The following PTCHD1 variants were observed in gnomAD, a reference collection of about 807,000 sequenced individuals.
PTCHD1 encodes the protein patched domain-containing protein 1.
A neutral mutation model predicts 34.6 loss-of-function variants in PTCHD1; 3 were observed. The ratio of observed to expected loss-of-function variants is 0.09; its 90% CI spans 0.04 to 0.22. The LOEUF (loss-of-function observed/expected upper bound fraction) is 0.22. PTCHD1 is among the 10% of genes least tolerant of loss of function. PTCHD1 has a pLI of 1.00. For synonymous variants in PTCHD1, 305 were observed against 283.1 expected (o/e 1.08, Z -0.77); for missense variants, 504 against 685.5 (o/e 0.74, Z 2.96).
chrX:23,376,280 G>A (rs971896868), intron 1 of PTCHD1, among the ~76,000 whole-genome samples: 10 of 112,323 alleles, frequency 8.9e-5, no homozygotes, highest in African/African-American at 3.2e-4. Flanking sequence ...TTAAGGGTCA[G>A]GACAATTAGT....
rs914354132 is a variant in PTCHD1 at position 23,401,811 on chromosome X, G to A, written c.*7626G>A. 8 of 112,625 alleles carry A rather than the reference G, an allele frequency of 7.1e-5. No individual in the cohort carries two copies. Among genetic ancestry groups the A allele is most frequent in the African/African-American group, 2.6e-4 (8 of 30,978 alleles). The allele number at this position is 112,625 out of a possible 1,213,427, so 9.3% of individuals were successfully genotyped here. A position where few individuals can be genotyped will look rare whatever the true frequency, so the allele number is the denominator to read the frequency against. The stretch of plus-strand genomic sequence containing the variant: ...CCCCTTCTATATGTTTCTTATGCAC[G>A]AGCACAGCTAAGAGCAGCCAAATAG... On this transcript the variant is annotated 3_prime_UTR_variant, in exon 3 of 3. Coordinates refer to ENST00000379361, the MANE Select transcript of PTCHD1 (RefSeq NM_173495.3).
chrX:23,358,933 G>A (rs760147069), intron 1 of PTCHD1, among the ~76,000 whole-genome samples: 8 of 112,001 alleles, frequency 7.1e-5, no homozygotes, highest in African/African-American at 9.7e-5. Flanking sequence ...GTTCTTGTCC[G>A]GCTTGTCAAA....
chrX:23,352,747 A>C (rs763318706), intron 1 of PTCHD1, among the ~76,000 whole-genome samples: 1 of 112,039 alleles, frequency 8.9e-6, no homozygotes, highest in South Asian at 3.8e-4. Context: ...TTCTCATTTC[A>C]ATGGTCTAAA....
rs758691603 is a variant in PTCHD1, at chrX:23,335,383, G to T, written c.351+157G>T. On this transcript the variant is annotated intron_variant, in intron 1 of 2. Coordinates refer to ENST00000379361, the MANE Select transcript of PTCHD1 (RefSeq NM_173495.3). ...GCGCGCCCCAGGGCGGCCGACTGGA[G>T]CCTCCCAGCCTCCTGGACAAGGAGC... Among the ~76,000 whole-genome samples the T allele has an allele frequency of 3.5e-5, 4 of 113,268 alleles. No individual in the cohort carries two copies. The East Asian group carries it at 1.1e-3, about 32-fold the overall frequency.
At chrX:23,384,614 G>C (rs967199038) in intron 2 of PTCHD1, among the ~76,000 whole-genome samples, 9 of 111,365 alleles carry the variant, frequency 8.1e-5, no homozygotes, top group African/African-American at 2.9e-4. Flanking sequence ...CTCATAAAAA[G>C]GGAAGGAAAA....
Position 23,335,017 on chromosome X carries a change from G to A in PTCHD1, c.142G>A (p.Val48Ile). 30 of 1,211,374 alleles carry A rather than the reference G, an allele frequency of 2.5e-5. No individual in the cohort carries two copies. The highest frequency in any genetic ancestry group is 3.0e-5 in the Non-Finnish European group (27 of 895,292). ...CGGCGCCAGCTTCAGCCGCTACCAGGTCGAGGAGAGCGTGGAGCACCTGCT... is the reference window on the plus strand; with the variant it reads ...CGGCGCCAGCTTCAGCCGCTACCAGATCGAGGAGAGCGTGGAGCACCTGCT... ...LLGASFSRYQ[V>I]EESVEHLLAP... The change falls in exon 1 of 3, where the codon GTC becomes ATC. Residue 48 changes from valine to isoleucine, a missense_variant. Transcript: ENST00000379361.
At chrX:23,338,877 T>G (rs751784991) in intron 1 of PTCHD1, among the ~76,000 whole-genome samples, 2 of 112,631 alleles carry the variant, frequency 1.8e-5, no homozygotes, top group African/African-American at 6.4e-5. Flanking sequence ...CATAAGAATA[T>G]TTTTCTTGAC....
At chrX:23,377,575 GGTGTGTGTGTGTGTGT>G (rs748957859) in intron 1 of PTCHD1, among the ~76,000 whole-genome samples, 18 of 90,528 alleles carry the variant, frequency 2.0e-4, no homozygotes, top group East Asian at 3.9e-4. Context: ...GCCTCCTAGG[GGTGTGTGTGTGTGTGT>G]GTGTGTGTGT....
At chrX:23,371,311 C>G (rs1922272243) in intron 1 of PTCHD1, among the ~76,000 whole-genome samples, 1 of 111,642 alleles carries the variant, frequency 9.0e-6, no homozygotes. Flanking sequence ...GGAAGATAAT[C>G]CCAGGAAGCA....
chrX:23,352,769 A>G (rs890966806), intron 1 of PTCHD1, among the ~76,000 whole-genome samples: 1 of 112,016 alleles, frequency 8.9e-6, no homozygotes, highest in Admixed American at 9.4e-5. Context: ...ACAGTGGCCT[A>G]CTCCAAATAC....
rs182869972 is a variant in PTCHD1 at position 23,397,606 on chromosome X, G to T, written c.*3421G>T. ...CTGCCTTTTACTCCCTCAGTTTTCA[G>T]TCAGAAGTGTGATAATCAGATGCCA... On this transcript the variant is annotated 3_prime_UTR_variant, in exon 3 of 3. Transcript: ENST00000379361. 3.6e-5 allele frequency: 4 copies of T among 111,831 alleles called. No individual in the cohort carries two copies. The highest frequency in any genetic ancestry group is 6.5e-5 in the African/African-American group (2 of 30,702). The allele number at this position is 111,831 out of a possible 1,213,427, so 9.2% of individuals were successfully genotyped here. A position where few individuals can be genotyped will look rare whatever the true frequency, so the allele number is the denominator to read the frequency against.
chrX:23,380,998 G>A (rs1302413951), intron 2 of PTCHD1, among the ~76,000 whole-genome samples: 1 of 111,789 alleles, frequency 8.9e-6, no homozygotes, highest in Non-Finnish European at 1.9e-5. Context: ...TGTTGGGTTG[G>A]CACTGAGAGC....
At chrX:23,353,674 T>A (rs772628578) in intron 1 of PTCHD1, among the ~76,000 whole-genome samples, 1 of 111,984 alleles carries the variant, frequency 8.9e-6, no homozygotes, top group Non-Finnish European at 1.9e-5. Flanking sequence ...TCCATCATCA[T>A]CTGAGATGAA....
At chrX:23,391,949 G>A (rs995298079) in intron 2 of PTCHD1, among the ~76,000 whole-genome samples, 12 of 110,662 alleles carry the variant, frequency 1.1e-4, no homozygotes, top group African/African-American at 4.0e-4. Flanking sequence ...CTCCAACTCC[G>A]AGGCTCAAGA....
At chrX:23,335,691 C>T (rs1011853132) in intron 1 of PTCHD1, among the ~76,000 whole-genome samples, 99 of 111,489 alleles carry the variant, frequency 8.9e-4, no homozygotes, top group African/African-American at 3.0e-3. Flanking sequence ...TTTCTGGCCC[C>T]CCGGAGTGTT....
chrX:23,347,004 A>C (rs1342376680), intron 1 of PTCHD1, among the ~76,000 whole-genome samples: 7 of 112,032 alleles, frequency 6.2e-5, no homozygotes, highest in African/African-American at 2.3e-4. Flanking sequence ...TATCATTGTG[A>C]AATCCACCCA....
chrX:23,357,231 T>TTGA (rs1442527867), intron 1 of PTCHD1, among the ~76,000 whole-genome samples: 1 of 111,852 alleles, frequency 8.9e-6, no homozygotes, highest in East Asian at 2.8e-4. Context: ...GGCAAAAGGC[T>TTGA]TGATCAGATA....
chrX:23,392,850 C>T lies in PTCHD1; in HGVS notation c.1332C>T (p.Val444=), dbSNP rs138702144. The T allele has an allele frequency of 1.3e-4, 153 of 1,210,524 alleles. No homozygotes were observed. The African/African-American group carries it at 2.2e-3, about 17-fold the overall frequency. ...NYQHSIFCRK[V]PKPEALQEKP... ...AGCATAGTATCTTCTGTAGAAAAGTCCCAAAGCCTGAGGCATTGCAGGAGA... is the reference window on the plus strand; with the variant it reads ...AGCATAGTATCTTCTGTAGAAAAGTTCCAAAGCCTGAGGCATTGCAGGAGA... Residue 444 remains valine, a synonymous_variant, in exon 3 of 3, where the codon GTC becomes GTT. Transcript: ENST00000379361.
intron 1 of PTCHD1, among the ~76,000 whole-genome samples, chrX:23,341,717 A>AG (rs1478053515): frequency 1.8e-5 from 2 of 112,524 alleles, no homozygotes; most frequent in African/African-American, 6.5e-5. Flanking sequence ...AGAAAAGGAA[A>AG]AAAAGAAAAT....
Sources: gnomAD v4.1 joint callset for allele counts (sites outside exome capture counted in the v4.1 genomes callset) on GRCh38, gnomAD v4.1.1 for gene constraint, MANE v1.5 for transcripts, NCBI Gene and HGNC (gene_info 2026-07-23, HGNC 2026-07-21) for gene names.